Variants in KRT7 observed in about 807,000 individuals in gnomAD.
KRT7 encodes the protein keratin 7.
KRT7 carries 50 observed loss-of-function variants against 42.8 expected under a neutral mutation model. The ratio of observed to expected loss-of-function variants is 1.17; its 90% CI spans 0.93 to 1.48. The LOEUF is 1.48. KRT7 is among the 40% of genes most tolerant of loss of function. The pLI, the probability that KRT7 is intolerant of heterozygous loss-of-function variation, is 0.00. For synonymous variants in KRT7, 268 were observed against 266.3 expected (o/e 1.01, Z -0.06); for missense variants, 588 against 637.6 (o/e 0.92, Z 0.84).
downstream of KRT7, chr12:52,255,505 G>A (rs930905813): frequency 4.5e-6 from 2 of 448,850 alleles, no homozygotes; most frequent in African/African-American, 2.0e-5. Flanking sequence ...ATCTTTTGGA[G>A]GTGGTCACAA....
chr12:52,253,710 T>C (rs997938017), downstream of KRT7: 1 of 1,361,894 alleles, frequency 7.3e-7, no homozygotes, highest in African/African-American at 1.5e-5. Context: ...CCGACTGTTG[T>C]CCATCTTGAC....
chr12:52,238,831 C>A, intron 4 of KRT7, 56 bp downstream of exon 4: 3 of 1,108,938 alleles, frequency 2.7e-6, no homozygotes, highest in Non-Finnish European at 4.1e-6. Flanking sequence ...AACCAGGGAG[C>A]CATCTGGTCC....
intron 5 of KRT7, among the ~76,000 whole-genome samples, chr12:52,242,382 G>A (rs1942105377): frequency 6.6e-6 from 1 of 152,212 alleles, no homozygotes; most frequent in South Asian, 2.1e-4. Context: ...CTGAATGTGA[G>A]GGCCCTAGAC....
At chr12:52,234,929 G>A (rs1286561397) in intron 1 of KRT7, among the ~76,000 whole-genome samples, 1 of 152,170 alleles carries the variant, frequency 6.6e-6, no homozygotes, top group Non-Finnish European at 1.5e-5. Context: ...CACATTCGTC[G>A]AGAGTCAACC....
At chr12:52,236,199 C>CT (rs1401816517) in intron 2 of KRT7, among the ~76,000 whole-genome samples, 4 of 149,462 alleles carry the variant, frequency 2.7e-5, no homozygotes, top group East Asian at 2.0e-4. Context: ...TGTGGAGTGC[C>CT]CCCCCCCAAC....
At chr12:52,234,574 G>C (rs1381119776) in intron 1 of KRT7, among the ~76,000 whole-genome samples, 1 of 152,066 alleles carries the variant, frequency 6.6e-6, no homozygotes, top group Non-Finnish European at 1.5e-5. Flanking sequence ...GAGCTGCACC[G>C]TCTTACTCTC....
chr12:52,250,529 G>A, downstream of KRT7: 2 of 955,484 alleles, frequency 2.1e-6, no homozygotes, highest in Non-Finnish European at 3.2e-6. Context: ...ACAGGCCGGT[G>A]CTCACCGCCA....
chr12:52,240,930 C>A (rs545451586), intron 4 of KRT7, among the ~76,000 whole-genome samples: 19 of 150,056 alleles, frequency 1.3e-4, no homozygotes, highest in African/African-American at 3.9e-4. Flanking sequence ...CCCCTCCCCC[C>A]ACGCCCCCGA....
chr12:52,245,703 T>C, intron 7 of KRT7, 71 bp downstream of exon 7: 7 of 1,580,470 alleles, frequency 4.4e-6, no homozygotes, highest in Non-Finnish European at 6.1e-6. Context: ...CATTCATCCA[T>C]TTACAAGCAT....
At chr12:52,238,566 G>A in intron 3 of KRT7, 114 bp from the exon 4 acceptor site, 1 of 705,416 alleles carries the variant, frequency 1.4e-6, no homozygotes, top group South Asian at 1.6e-5. Flanking sequence ...TTCTGGGTAG[G>A]GCAGTAGTAT....
chr12:52,244,227 C>A, intron 6 of KRT7: 1 of 741,438 alleles, frequency 1.3e-6, no homozygotes, highest in Non-Finnish European at 1.6e-6. Context: ...AGGGCGGAGG[C>A]TGCCTTGGGG....
Position 52,245,461 on chromosome 12 carries a change from T to C in KRT7, c.1034T>C (p.Leu345Pro). 3 of 1,613,998 alleles carry C rather than the reference T, an allele frequency of 1.9e-6. No homozygotes were observed. Among genetic ancestry groups the C allele is most frequent in the Non-Finnish European group, 1.7e-6 (2 of 1,179,990 alleles). ...GCCGAGGCTGAGGAGCGTGGGGAGC[T>C]GGCGCTCAAGGATGCTCGTGCCAAG... ...AIAEAEERGE[L>P]ALKDARAKQE... Residue 345 changes from leucine (L) to proline (P), a missense_variant, in exon 7 of 9, where the codon CTG becomes CCG. Physicochemically the swap from Leu to Pro is moderately conservative, Grantham distance 98. Coordinates refer to ENST00000331817, the MANE Select transcript of KRT7 (RefSeq NM_005556.4).
downstream of KRT7, chr12:52,250,393 C>G (rs537169841): frequency 2.2e-3 from 854 of 394,604 alleles, 7 homozygotes; most frequent in African/African-American, 0.017. Context: ...GTCTGGGGAC[C>G]GTGGGAGCTC....
chr12:52,239,778 A>G (rs1348579165), intron 4 of KRT7, among the ~76,000 whole-genome samples: 1 of 151,910 alleles, frequency 6.6e-6, no homozygotes, highest in East Asian at 1.9e-4. Context: ...CTGCCTGCCA[A>G]CTCACCACTC....
intron 8 of KRT7, 123 bp downstream of exon 8, chr12:52,248,334 C>A: frequency 2.0e-6 from 2 of 1,003,072 alleles, no homozygotes; most frequent in Non-Finnish European, 3.1e-6. Context: ...TTCCTTTCTA[C>A]AGGGATTGAC....
At chr12:52,241,394 T>G in intron 4 of KRT7, 78 bp from the exon 5 acceptor site, 1 of 1,284,614 alleles carries the variant, frequency 7.8e-7, no homozygotes, top group Non-Finnish European at 1.1e-6. Flanking sequence ...TTTCTTTCCT[T>G]TGTGAGTGGG....
At chr12:52,250,218 A>G (rs1942242175), downstream of KRT7, among the ~76,000 whole-genome samples, 1 of 152,222 alleles carries the variant, frequency 6.6e-6, no homozygotes, top group Non-Finnish European at 1.5e-5. Flanking sequence ...GTCTTTACCT[A>G]GGGCTGCGAG....
At chr12:52,241,126 TATG>T (rs1942082332) in intron 4 of KRT7, among the ~76,000 whole-genome samples, 1 of 152,164 alleles carries the variant, frequency 6.6e-6, no homozygotes, top group Non-Finnish European at 1.5e-5. Flanking sequence ...CATGGTGGAA[TATG>T]ATAATTTCAT....
downstream of KRT7, chr12:52,254,283 G>T: frequency 1.0e-6 from 1 of 967,928 alleles, no homozygotes; most frequent in Middle Eastern, 2.3e-4. Flanking sequence ...TCATATAGCC[G>T]CCTCAGGAAG....
Sources: gnomAD v4.1 joint callset for allele counts (sites outside exome capture counted in the v4.1 genomes callset) on GRCh38, gnomAD v4.1.1 for gene constraint, MANE v1.5 for transcripts, NCBI Gene and HGNC (gene_info 2026-07-23, HGNC 2026-07-21) for gene names.